DNAI4: variants seen among roughly 807,000 people sequenced by gnomAD.
The protein encoded by DNAI4 is WD repeat domain 78.
Under a neutral mutation model 105.8 loss-of-function variants are expected in DNAI4, and 85 were observed. The observed-to-expected ratio is 0.80, with a 90% CI of 0.67 to 0.96. DNAI4 has a LOEUF of 0.96. DNAI4 is among the 40% of genes least tolerant of loss of function. The pLI, the probability that DNAI4 is intolerant of heterozygous loss-of-function variation, is 0.00. For missense variants in DNAI4, 1,014 were observed against 1,005.6 expected (o/e 1.01, Z -0.11); for synonymous variants, 352 against 331.5 (o/e 1.06, Z -0.67).
At chr1:66,845,839 C>T (rs1195334080) in intron 8 of DNAI4, among the ~76,000 whole-genome samples, 1 of 115,242 alleles carries the variant, frequency 8.7e-6, no homozygotes, top group Non-Finnish European at 1.7e-5. Flanking sequence ...CAGAGCAATG[C>T]GTGTGTGTGT....
Position 66,869,517 on chromosome 1 carries a change from T to A in DNAI4, c.940+1853A>T, listed in dbSNP as rs368054620. The stretch of plus-strand genomic sequence containing the variant: ...ATTTAAAAATATTTAAACCCTTTAC[T>A]ACATATTAATATTTGGAAAAAATAT... On this transcript the variant is annotated intron_variant, in intron 6 of 16. Coordinates refer to ENST00000371026, the MANE Select transcript of DNAI4 (RefSeq NM_024763.5). Among the ~76,000 whole-genome samples the A allele has an allele frequency of 2.8e-3, 423 of 152,310 alleles. 1 individual carries two copies. The highest frequency in any genetic ancestry group is 8.6e-3 in the African/African-American group (359 of 41,556).
intron 4 of DNAI4, among the ~76,000 whole-genome samples, chr1:66,875,881 A>G (rs1270133905): frequency 6.6e-6 from 1 of 152,158 alleles, no homozygotes; most frequent in Non-Finnish European, 1.5e-5. Flanking sequence ...TCTATGACTA[A>G]TAAATAGTAA....
At chr1:66,816,056 C>T (rs1333274755) in intron 16 of DNAI4, among the ~76,000 whole-genome samples, 2 of 152,062 alleles carry the variant, frequency 1.3e-5, no homozygotes, top group Non-Finnish European at 2.9e-5. Flanking sequence ...ACCTGTAACA[C>T]CAGTGCTTTG....
At chr1:66,858,100 A>G (rs1426961435) in intron 7 of DNAI4, among the ~76,000 whole-genome samples, 2 of 152,188 alleles carry the variant, frequency 1.3e-5, no homozygotes, top group African/African-American at 2.4e-5. Flanking sequence ...TCATTTTTAT[A>G]CAATCTATTT....
chr1:66,849,781 T>C (rs1278089046), intron 7 of DNAI4, among the ~76,000 whole-genome samples: 3 of 151,810 alleles, frequency 2.0e-5, no homozygotes, highest in Non-Finnish European at 2.9e-5. Context: ...TAACTAAAAT[T>C]TAAAACTCAA....
chr1:66,881,206 G>A (rs1647062807), intron 4 of DNAI4, among the ~76,000 whole-genome samples: 1 of 152,208 alleles, frequency 6.6e-6, no homozygotes, highest in Non-Finnish European at 1.5e-5. Flanking sequence ...GGGAAATGTG[G>A]GGTGGGAGCC....
intron 10 of DNAI4, among the ~76,000 whole-genome samples, chr1:66,836,290 A>T (rs1198172824): frequency 6.7e-6 from 1 of 150,210 alleles, no homozygotes; most frequent in South Asian, 2.1e-4. Context: ...GAAAGAAAGA[A>T]AGAAAGAAAG....
intron 1 of DNAI4, among the ~76,000 whole-genome samples, chr1:66,910,638 C>A (rs977887392): frequency 2.2e-4 from 34 of 152,240 alleles, no homozygotes; most frequent in African/African-American, 8.0e-4. Flanking sequence ...CGTGGCTTCC[C>A]TTTCTAAAAT....
At chr1:66,875,353 C>T (rs1646938525) in intron 4 of DNAI4, among the ~76,000 whole-genome samples, 1 of 152,120 alleles carries the variant, frequency 6.6e-6, no homozygotes, top group Non-Finnish European at 1.5e-5. Flanking sequence ...AAACTTTTAT[C>T]CTTCATTTGC....
At chr1:66,891,758 C>T (rs996583123) in intron 3 of DNAI4, among the ~76,000 whole-genome samples, 1 of 152,134 alleles carries the variant, frequency 6.6e-6, no homozygotes, top group Non-Finnish European at 1.5e-5. Context: ...ACCACCGCAC[C>T]CAGCCAAAAT....
intron 16 of DNAI4, among the ~76,000 whole-genome samples, chr1:66,821,243 C>A (rs911681672): frequency 9.3e-5 from 14 of 151,244 alleles, no homozygotes; most frequent in Admixed American, 9.2e-4. Flanking sequence ...GGACTACAGG[C>A]ACCCGCCACT....
intron 2 of DNAI4, among the ~76,000 whole-genome samples, chr1:66,898,265 G>C (rs1246543124): frequency 6.6e-6 from 1 of 152,132 alleles, no homozygotes; most frequent in Non-Finnish European, 1.5e-5. Flanking sequence ...TCACAGGTAA[G>C]ACTCTGGGCT....
Position 66,814,200 on chromosome 1 carries a change from C to T in DNAI4, c.2497-20G>A. On this transcript the variant is annotated intron_variant, in intron 16 of 16. Transcript: ENST00000371026. ...ATCTCCCTGAAAAAAAAAAGTCACA[C>T]AATTACAATGCAATAAAATGCAAAT... The T allele has an allele frequency of 1.3e-6, 2 of 1,564,036 alleles. No homozygotes were observed. The highest frequency in any genetic ancestry group is 1.7e-6 in the Non-Finnish European group (2 of 1,162,268).
At chr1:66,892,764 A>C (rs377684071) in intron 3 of DNAI4, among the ~76,000 whole-genome samples, 112 of 151,660 alleles carry the variant, frequency 7.4e-4, no homozygotes, top group African/African-American at 2.5e-3. Context: ...AAAATTAGCC[A>C]GGTGTAGTGG....
chr1:66,855,085 G>T (rs1646472535), intron 7 of DNAI4, among the ~76,000 whole-genome samples: 1 of 152,082 alleles, frequency 6.6e-6, no homozygotes, highest in Admixed American at 6.6e-5. Context: ...TAACCCAACT[G>T]CCTCCTTAAC....
chr1:66,875,578 T>A (rs1646942982), intron 4 of DNAI4, among the ~76,000 whole-genome samples: 2 of 151,956 alleles, frequency 1.3e-5, no homozygotes, highest in South Asian at 4.2e-4. Flanking sequence ...GAGAATTGAG[T>A]TTCACAGCTG....
chr1:66,827,076 A>G (rs779255512), intron 14 of DNAI4, 30 bp from the exon 15 acceptor site: 1 of 1,528,264 alleles, frequency 6.5e-7, no homozygotes, highest in South Asian at 1.2e-5. Flanking sequence ...ACATAGGTAA[A>G]TAATATTTAA....
chr1:66,901,248 TTG>T (rs1218237371), intron 2 of DNAI4, among the ~76,000 whole-genome samples: 1 of 152,196 alleles, frequency 6.6e-6, no homozygotes, highest in Non-Finnish European at 1.5e-5. Context: ...TCATGTTATT[TTG>T]TGTTATTCAC....
At chr1:66,838,056 A>G (rs373584270) in intron 9 of DNAI4, among the ~76,000 whole-genome samples, 39 of 152,194 alleles carry the variant, frequency 2.6e-4, no homozygotes, top group African/African-American at 9.4e-4. Context: ...AAGTTCTTTT[A>G]CATATTGAGG....
Sources: gnomAD v4.1 joint callset for allele counts (sites outside exome capture counted in the v4.1 genomes callset) on GRCh38, gnomAD v4.1.1 for gene constraint, MANE v1.5 for transcripts, NCBI Gene and HGNC (gene_info 2026-07-23, HGNC 2026-07-21) for gene names.